Variants in SPIN1 observed in about 807,000 individuals in gnomAD.
SPIN1 encodes the protein spindlin-1.
A neutral mutation model predicts 26.0 loss-of-function variants in SPIN1; 3 were observed. The ratio of observed to expected loss-of-function variants is 0.12; its 90% confidence interval spans 0.05 to 0.30. The LOEUF (loss-of-function observed/expected upper bound fraction) is 0.30. SPIN1 is among the 10% of genes least tolerant of loss of function. The pLI is 1.00. For synonymous variants in SPIN1, 101 were observed against 116.5 expected, an observed-to-expected ratio of 0.87 and a Z score of 0.86; for missense variants, 126 against 333.4, an observed-to-expected ratio of 0.38 and a Z score of 4.84.
intron 3 of SPIN1, among the ~76,000 whole-genome samples, chr9:88,459,606 T>C (rs1259132434): frequency 2.0e-5 from 3 of 152,178 alleles, no homozygotes; most frequent in Non-Finnish European, 2.9e-5. Flanking sequence ...TTCTCCTGTT[T>C]TTGAGAGTTG....
At chr9:88,462,831 TACTTC>T (rs1362053957) in intron 4 of SPIN1, 82 bp downstream of exon 4, 4 of 1,413,314 alleles carry the variant, frequency 2.8e-6, no homozygotes, top group African/African-American at 2.9e-5. Context: ...ACATTATTAA[TACTTC>T]ACTTTTATTG....
chr9:88,428,040 T>A (rs760814437), intron 2 of SPIN1, among the ~76,000 whole-genome samples: 1 of 152,190 alleles, frequency 6.6e-6, no homozygotes, highest in Admixed American at 6.5e-5. Flanking sequence ...TTTCTTCTCA[T>A]TAATTGAAAA....
intron 2 of SPIN1, among the ~76,000 whole-genome samples, chr9:88,445,571 A>T (rs1424218666): frequency 6.9e-6 from 1 of 144,024 alleles, no homozygotes; most frequent in Non-Finnish European, 1.5e-5. Flanking sequence ...TTATATTGAG[A>T]TGGAGTCTTG....
intron 4 of SPIN1, among the ~76,000 whole-genome samples, chr9:88,466,355 A>G (rs550999944): frequency 3.3e-5 from 5 of 152,244 alleles, no homozygotes; most frequent in South Asian, 2.1e-4. Context: ...ATGAGATCTC[A>G]TTATGTTGCC....
At chr9:88,431,898 G>A (rs1390303037) in intron 2 of SPIN1, among the ~76,000 whole-genome samples, 1 of 151,990 alleles carries the variant, frequency 6.6e-6, no homozygotes, top group East Asian at 1.9e-4. Flanking sequence ...AAAATTAGCT[G>A]GGTGTGATGG....
At chr9:88,397,309 T>C (rs1460202166) in intron 1 of SPIN1, among the ~76,000 whole-genome samples, 1 of 152,068 alleles carries the variant, frequency 6.6e-6, no homozygotes, top group Non-Finnish European at 1.5e-5. Flanking sequence ...TGTCATTAGG[T>C]GGTGCATGAC....
At chr9:88,434,330 CAAATTATAAAATAGTTTATTTTAT>C (rs1372636284) in intron 2 of SPIN1, among the ~76,000 whole-genome samples, 16,023 of 143,638 alleles carry the variant, frequency 0.11, 1,251 homozygotes, top group African/African-American at 0.17. Context: ...AATTATTTTA[CAAATTATAAAATAGTTTATTTTAT>C]AAATTATAAA....
intron 2 of SPIN1, among the ~76,000 whole-genome samples, chr9:88,441,317 A>C (rs573510605): frequency 6.6e-6 from 1 of 151,700 alleles, no homozygotes; most frequent in East Asian, 1.9e-4. Context: ...GGGGTCCTGG[A>C]ACCAGTCCCC....
Position 88,388,444 on chromosome 9 carries a change from G to C in SPIN1, c.-253G>C, listed in dbSNP as rs939679338. 6.8e-6 allele frequency: 1 copy of C among 147,988 alleles called. No individual in the cohort carries two copies. The highest frequency in any genetic ancestry group is 1.5e-5 in the Non-Finnish European group (1 of 66,454). The allele number at this position is 147,988 out of a possible 1,614,324, so 9.2% of individuals were successfully genotyped here. On this transcript the variant is annotated 5_prime_UTR_variant, in exon 1 of 6. Coordinates refer to ENST00000375859, the MANE Select transcript of SPIN1 (RefSeq NM_006717.3). ...TCCGCGGCGAGGGAGCGGGGGCGGG[G>C]AGGCGCCGTCTGGCTCAGGCTGGGG...
At chr9:88,458,409 TG>T (rs998461055) in intron 3 of SPIN1, among the ~76,000 whole-genome samples, 2 of 152,194 alleles carry the variant, frequency 1.3e-5, no homozygotes, top group Admixed American at 6.5e-5. Context: ...GGAGGACTCT[TG>T]GCCAGATACA....
intron 3 of SPIN1, among the ~76,000 whole-genome samples, chr9:88,461,793 TTC>T (rs1299686714): frequency 2.6e-5 from 4 of 152,222 alleles, no homozygotes; most frequent in Middle Eastern, 6.3e-3. Context: ...TTTATAAACA[TTC>T]TGTGTGGATT....
At chr9:88,390,264 C>T (rs1587765306) in intron 1 of SPIN1, among the ~76,000 whole-genome samples, 2 of 152,208 alleles carry the variant, frequency 1.3e-5, no homozygotes, top group East Asian at 1.9e-4. Context: ...TCATTGGTGT[C>T]CTTAAAGTGT....
chr9:88,411,252 C>T lies in SPIN1; in HGVS notation c.-158-15130C>T, dbSNP rs536547476. On this transcript the variant is annotated intron_variant, in intron 1 of 5. Transcript: ENST00000375859. Reference sequence around the variant, plus strand: ...ACCTTGTGTGGCCTTGCATTCATGGCTGCATCCTCCACCTCCACAGTGGCA... The same window carrying T: ...ACCTTGTGTGGCCTTGCATTCATGGTTGCATCCTCCACCTCCACAGTGGCA... 37 of 1,140,476 alleles carry T rather than the reference C, an allele frequency of 3.2e-5. No homozygotes were observed. In the African/African-American group the frequency reaches 4.5e-4, roughly 14 times the overall value. The allele number at this position is 1,140,476 out of a possible 1,614,324, so 70.6% of individuals were successfully genotyped here. A position where few individuals can be genotyped will look rare whatever the true frequency, so the allele number is the denominator to read the frequency against.
At chr9:88,432,369 G>A (rs890801621) in intron 2 of SPIN1, among the ~76,000 whole-genome samples, 1 of 151,946 alleles carries the variant, frequency 6.6e-6, no homozygotes, top group African/African-American at 2.4e-5. Flanking sequence ...TGTATTTTTA[G>A]TAGAGACAGG....
intron 3 of SPIN1, among the ~76,000 whole-genome samples, chr9:88,456,019 A>G (rs1215080511): frequency 3.9e-5 from 6 of 152,202 alleles, no homozygotes; most frequent in Non-Finnish European, 8.8e-5. Flanking sequence ...CTGAGCTTTT[A>G]AATTAATGGG....
At chr9:88,440,155 AT>A (rs1045113834) in intron 2 of SPIN1, among the ~76,000 whole-genome samples, 3 of 142,320 alleles carry the variant, frequency 2.1e-5, no homozygotes, top group Admixed American at 7.0e-5. Flanking sequence ...TTTGTTTTTA[AT>A]TTTTTTTTTA....
chr9:88,448,913 A>G (rs776580957), intron 2 of SPIN1, 28 bp from the exon 3 acceptor site: 18 of 1,609,604 alleles, frequency 1.1e-5, no homozygotes, highest in Non-Finnish European at 1.5e-5. Context: ...TCTGGTTTTC[A>G]TTGACTATAT....
intron 2 of SPIN1, among the ~76,000 whole-genome samples, chr9:88,436,541 A>G (rs1404602932): frequency 6.6e-6 from 1 of 152,062 alleles, no homozygotes; most frequent in Non-Finnish European, 1.5e-5. Context: ...ATTAAGGTTC[A>G]TTCTTGATGT....
chr9:88,414,376 A>G (rs982045184), intron 1 of SPIN1, among the ~76,000 whole-genome samples: 1 of 152,232 alleles, frequency 6.6e-6, no homozygotes, highest in Non-Finnish European at 1.5e-5. Context: ...AACATAAACT[A>G]GGTGCTCACC....
Sources: gnomAD v4.1 joint callset for allele counts (sites outside exome capture counted in the v4.1 genomes callset) on GRCh38, gnomAD v4.1.1 for gene constraint, MANE v1.5 for transcripts, NCBI Gene and HGNC (gene_info 2026-07-23, HGNC 2026-07-21) for gene names.